CLASP2: variants seen among roughly 807,000 people sequenced by gnomAD.
The protein encoded by CLASP2 is CLIP-associating protein 2.
CLASP2 carries 47 observed loss-of-function variants against 194.4 expected under a neutral mutation model. The observed-to-expected ratio is 0.24, with a 90% CI of 0.19 to 0.31. The LOEUF is 0.31. Ranked by LOEUF, CLASP2 falls within the 10% of genes least tolerant of loss-of-function variation. The pLI is 1.00. For synonymous variants in CLASP2, 619 were observed against 633.5 expected (o/e 0.98, Z 0.34); for missense variants, 1,445 against 1,823.6 (o/e 0.79, Z 3.78).
chr3:33,673,130 C>G (rs1340050389), intron 6 of CLASP2, among the ~76,000 whole-genome samples: 2 of 152,116 alleles, frequency 1.3e-5, no homozygotes, highest in Non-Finnish European at 2.9e-5. Context: ...AACTCCAAGA[C>G]ACATAATTGT....
chr3:33,608,990 A>C (rs2074519413), intron 13 of CLASP2, among the ~76,000 whole-genome samples: 1 of 152,070 alleles, frequency 6.6e-6, no homozygotes, highest in Non-Finnish European at 1.5e-5. Context: ...GTCAAATATA[A>C]ACCTTAAGGC....
intron 20 of CLASP2, among the ~76,000 whole-genome samples, chr3:33,594,346 G>A (rs952469355): frequency 6.6e-6 from 1 of 152,066 alleles, no homozygotes; most frequent in East Asian, 1.9e-4. Flanking sequence ...TTCAGGTAGA[G>A]TGAATATAAA....
intron 6 of CLASP2, among the ~76,000 whole-genome samples, chr3:33,667,029 T>TAGAA (rs2086294066): frequency 6.6e-6 from 1 of 152,222 alleles, no homozygotes; most frequent in Non-Finnish European, 1.5e-5. Flanking sequence ...ATTCAAATAT[T>TAGAA]TTGTCTGTTT....
chr3:33,505,421 C>G (rs2047905860), intron 37 of CLASP2: 1 of 152,046 alleles, frequency 6.6e-6, no homozygotes, highest in Non-Finnish European at 1.5e-5. Context: ...AAAGTATTTT[C>G]AGTACATGAA....
chr3:33,663,558 C>A (rs2085652908), intron 6 of CLASP2, 43 bp from the exon 7 acceptor site: 1 of 1,347,916 alleles, frequency 7.4e-7, no homozygotes, highest in East Asian at 2.3e-5. Context: ...TTTTTTAAAA[C>A]ATATAGATTA....
At chr3:33,571,298 C>G (rs2063721199) in intron 25 of CLASP2, among the ~76,000 whole-genome samples, 1 of 151,050 alleles carries the variant, frequency 6.6e-6, no homozygotes, top group African/African-American at 2.4e-5. Context: ...CAGGCGTGAC[C>G]CACCGCGCCC....
In CLASP2 at chr3:33,696,868, G is replaced by C. The variant is rs2091968867; in HGVS notation, c.261C>G (p.Ser87=). 6.3e-7 allele frequency: 1 copy of C among 1,588,818 alleles called. No individual in the cohort carries two copies. Residue 87 remains serine (S), a synonymous_variant, in exon 2 of 39, where the codon TCC becomes TCG. Coordinates refer to ENST00000682230, the MANE Select transcript of CLASP2 (RefSeq NM_001365631.1). Reference sequence around the variant, plus strand: ...AAGTTAACTTACCCATTGCTACATAGGATTTAAAGCGTGTTGATAATCTGT... The same window carrying C: ...AAGTTAACTTACCCATTGCTACATACGATTTAAAGCGTGTTGATAATCTGT... ...FVDRLSTRFK[S]YVAMVIVALI...
intron 29 of CLASP2, among the ~76,000 whole-genome samples, chr3:33,552,349 C>A (rs1269323998): frequency 6.6e-6 from 1 of 152,034 alleles, no homozygotes; most frequent in Non-Finnish European, 1.5e-5. Context: ...GAACTCCTGA[C>A]CTCATGATCC....
intron 6 of CLASP2, among the ~76,000 whole-genome samples, chr3:33,679,597 A>G (rs1246777829): frequency 2.0e-5 from 3 of 152,230 alleles, no homozygotes; most frequent in Admixed American, 1.3e-4. Context: ...ACATCTCACC[A>G]GAGAAGATAT....
intron 21 of CLASP2, among the ~76,000 whole-genome samples, chr3:33,586,795 T>C (rs1576815548): frequency 6.6e-6 from 1 of 152,140 alleles, no homozygotes; most frequent in Non-Finnish European, 1.5e-5. Context: ...TTATATGTTA[T>C]ACAGTCTTAC....
intron 1 of CLASP2, among the ~76,000 whole-genome samples, chr3:33,714,619 T>C (rs2093202960): frequency 1.3e-5 from 2 of 152,182 alleles, no homozygotes; most frequent in South Asian, 2.1e-4. Context: ...AATTTTCCAC[T>C]TCTCAGCATT....
At chr3:33,677,929 C>CAA (rs777895095) in intron 6 of CLASP2, among the ~76,000 whole-genome samples, 5 of 60,044 alleles carry the variant, frequency 8.3e-5, no homozygotes, top group Admixed American at 5.4e-4. Flanking sequence ...AACAAAGTAC[C>CAA]AAAAAAAAAA....
chr3:33,575,050 T>C (rs1387526152), intron 24 of CLASP2, among the ~76,000 whole-genome samples: 2 of 152,028 alleles, frequency 1.3e-5, no homozygotes, highest in Admixed American at 1.3e-4. Flanking sequence ...TGGTAAATTA[T>C]CCAATTTAAA....
chr3:33,645,117 C>T lies in CLASP2; in HGVS notation c.716-214G>A. 3 of 667,550 alleles carry T rather than the reference C, an allele frequency of 4.5e-6. No homozygotes were observed. The South Asian group carries it at 5.1e-5, about 11-fold the overall frequency. The allele number at this position is 667,550 out of a possible 1,614,324, so 41.4% of individuals were successfully genotyped here. On this transcript the variant is annotated intron_variant, in intron 7 of 38. Coordinates refer to ENST00000682230, the MANE Select transcript of CLASP2 (RefSeq NM_001365631.1). The stretch of plus-strand genomic sequence containing the variant: ...AAAATCAAAATGCAGTATTTTCATA[C>T]TTCTTACTTATACATATTAAGTCAA...
intron 34 of CLASP2, among the ~76,000 whole-genome samples, chr3:33,527,942 G>A (rs2055063580): frequency 6.6e-6 from 1 of 152,032 alleles, no homozygotes; most frequent in South Asian, 2.1e-4. Flanking sequence ...CAGCCTGGGT[G>A]ACAGAGCGAG....
intron 30 of CLASP2, among the ~76,000 whole-genome samples, chr3:33,545,723 A>G (rs1340531135): frequency 1.3e-5 from 2 of 152,120 alleles, no homozygotes; most frequent in African/African-American, 4.8e-5. Context: ...CAGTCTGGCT[A>G]ACATGATGAA....
chr3:33,628,322 G>A (rs531675747), intron 9 of CLASP2, among the ~76,000 whole-genome samples: 2 of 152,158 alleles, frequency 1.3e-5, no homozygotes, highest in East Asian at 1.9e-4. Flanking sequence ...CCCCTCTGCC[G>A]TTTTCCAGAA....
rs555650448 is a variant in CLASP2 at position 33,688,419 on chromosome 3, T to G, written c.379-51A>C. 7 of 1,265,092 alleles carry G rather than the reference T, an allele frequency of 5.5e-6. No homozygotes were observed. The Admixed American group carries it at 9.1e-5, about 16-fold the overall frequency. The allele number at this position is 1,265,092 out of a possible 1,614,324, so 78.4% of individuals were successfully genotyped here. A position where few individuals can be genotyped will look rare whatever the true frequency, so the allele number is the denominator to read the frequency against. ...ATAACAAAAAACTAAATTATTCATG[T>G]TATAATCTTTTATTTCTTCCCAATC... is the stretch of plus-strand genomic sequence containing the variant. On this transcript the variant is annotated intron_variant, in intron 3 of 38. Transcript: ENST00000682230.
In CLASP2 at chr3:33,659,135, C is replaced by T. The variant is rs558047372; in HGVS notation, c.715+4310G>A. The T allele has an allele frequency of 5.3e-3, 7,487 of 1,413,470 alleles. 22 individuals carry two copies. Among genetic ancestry groups the T allele is most frequent in the Non-Finnish European group, 6.1e-3 (6,678 of 1,086,630 alleles). 87.6% of individuals were successfully genotyped at this position (1,413,470 alleles called of 1,614,324 possible). A position where few individuals can be genotyped will look rare whatever the true frequency, so the allele number is the denominator to read the frequency against. ...CCCAGGCCTCGCTGCAGCTCTGCAC[C>T]GCAATAGCCAACAGCTGCTACTCCA... On this transcript the variant is annotated intron_variant, in intron 7 of 38. Transcript: ENST00000682230.
Sources: allele counts gnomAD v4.1 joint callset (sites outside exome capture counted in the v4.1 genomes callset), GRCh38; gene constraint gnomAD v4.1.1; transcripts MANE v1.5; gene names NCBI Gene and HGNC (gene_info 2026-07-23, HGNC 2026-07-21).